EBF2: variants seen among roughly 807,000 people sequenced by gnomAD.
The protein encoded by EBF2 is transcription factor COE2.
Under a neutral mutation model 72.8 loss-of-function variants are expected in EBF2, and 21 were observed. That is an observed-to-expected ratio of 0.29 (90% confidence interval 0.20 to 0.42). EBF2 has a LOEUF of 0.42. EBF2 is among the 10% of genes least tolerant of loss of function. The pLI is 1.00. For missense variants in EBF2, 637 were observed against 731.2 expected (o/e 0.87, Z 1.49); for synonymous variants, 299 against 274.2 (o/e 1.09, Z -0.89).
chr8:26,037,519 G>T (rs187787038), intron 5 of EBF2, among the ~76,000 whole-genome samples: 39 of 152,282 alleles, frequency 2.6e-4, no homozygotes, highest in Non-Finnish European at 4.4e-4. Flanking sequence ...CCATCTGGCC[G>T]ATAAAGACAC....
intron 6 of EBF2, among the ~76,000 whole-genome samples, chr8:25,959,928 C>T (rs550496937): frequency 6.6e-6 from 1 of 152,124 alleles, no homozygotes. Flanking sequence ...GATGAGACAC[C>T]AACAGCTCAG....
At chr8:25,940,190 T>C (rs1176543726) in intron 6 of EBF2, among the ~76,000 whole-genome samples, 1 of 152,212 alleles carries the variant, frequency 6.6e-6, no homozygotes, top group Admixed American at 6.5e-5. Context: ...CCCTACATTC[T>C]ACTAAAGCTA....
At chr8:25,861,416 C>A (rs757376909) in intron 11 of EBF2, 42 bp from the exon 12 acceptor site, 1 of 1,606,908 alleles carries the variant, frequency 6.2e-7, no homozygotes, top group Non-Finnish European at 8.5e-7. Flanking sequence ...AAGGCAAAAT[C>A]CAAGATGGCA....
chr8:26,030,083 T>C (rs1805373683), intron 6 of EBF2, among the ~76,000 whole-genome samples: 1 of 152,052 alleles, frequency 6.6e-6, no homozygotes, highest in Non-Finnish European at 1.5e-5. Context: ...GGCTAGCTTT[T>C]TTAGTTTTTG....
chr8:26,040,860 T>C (rs1805587742), intron 3 of EBF2, 79 bp downstream of exon 3: 8 of 1,586,200 alleles, frequency 5.0e-6, no homozygotes, highest in Non-Finnish European at 6.9e-6. Context: ...TCCCTGAGAG[T>C]GATCATGGCA....
In EBF2 at chr8:25,861,469, C is replaced by T. The variant is rs1035995480; in HGVS notation, c.1099-95G>A. On this transcript the variant is annotated intron_variant, in intron 11 of 15. Coordinates refer to ENST00000520164, the MANE Select transcript of EBF2 (RefSeq NM_022659.4). ...GGCAAAAATGAGAAATCCACACATC[C>T]CTCCCAAAATGTAAGTAATTAGCCA... 5.0e-6 allele frequency: 7 copies of T among 1,395,806 alleles called. No individual in the cohort carries two copies. In the Admixed American group the frequency reaches 1.1e-4, roughly 22 times the overall value. 86.5% of individuals were successfully genotyped at this position (1,395,806 alleles called of 1,614,324 possible).
At chr8:26,021,541 G>A (rs1805202995) in intron 6 of EBF2, among the ~76,000 whole-genome samples, 1 of 152,160 alleles carries the variant, frequency 6.6e-6, no homozygotes, top group Admixed American at 6.6e-5. Flanking sequence ...AGATAGGTTT[G>A]CCAGATAAAA....
chr8:25,959,330 G>T (rs921569531), intron 6 of EBF2, among the ~76,000 whole-genome samples: 1 of 152,112 alleles, frequency 6.6e-6, no homozygotes, highest in African/African-American at 2.4e-5. Context: ...TCAGCCTCCT[G>T]AGTAGCTGGG....
chr8:25,899,373 C>T (rs1047519385), intron 7 of EBF2, among the ~76,000 whole-genome samples: 18 of 151,912 alleles, frequency 1.2e-4, no homozygotes, highest in African/African-American at 4.1e-4. Context: ...CCATTATGTG[C>T]TTTAAAACTG....
intron 6 of EBF2, among the ~76,000 whole-genome samples, chr8:25,976,486 T>C (rs921326272): frequency 5.3e-5 from 8 of 152,244 alleles, no homozygotes; most frequent in Non-Finnish European, 7.3e-5. Context: ...TGGGCTGAGC[T>C]GCCAAGACAC....
chr8:25,860,127 A>G lies in EBF2; in HGVS notation c.1342+922T>C, dbSNP rs181681243. On this transcript the variant is annotated intron_variant, in intron 13 of 15. Transcript: ENST00000520164. Reference sequence around the variant, plus strand: ...CATTGTTAAGGACCTCATTAGGAACATTTACTCCTTTTAAAAATGATTCGT... The same window carrying G: ...CATTGTTAAGGACCTCATTAGGAACGTTTACTCCTTTTAAAAATGATTCGT... 8.7e-3 allele frequency among the ~76,000 whole-genome samples: 1,329 copies of G among 152,292 alleles called. 21 individuals are homozygous for G. Among genetic ancestry groups the G allele is most frequent in the African/African-American group, 0.03 (1,266 of 41,544 alleles).
chr8:25,872,274 GC>G (rs985621777), intron 10 of EBF2, among the ~76,000 whole-genome samples: 4 of 152,100 alleles, frequency 2.6e-5, no homozygotes, highest in African/African-American at 9.7e-5. Context: ...AGGCCTGGTT[GC>G]TTTTTTTAAA....
chr8:25,928,233 G>A (rs1019195720), intron 6 of EBF2, among the ~76,000 whole-genome samples: 8 of 152,192 alleles, frequency 5.3e-5, no homozygotes, highest in African/African-American at 1.9e-4. Context: ...TCTTTAGACT[G>A]TTGCCATCTA....
At chr8:26,008,239 T>C (rs749300107) in intron 6 of EBF2, among the ~76,000 whole-genome samples, 6 of 152,186 alleles carry the variant, frequency 3.9e-5, no homozygotes, top group Non-Finnish European at 8.8e-5. Flanking sequence ...AGGAAGTCTA[T>C]GGAAAAATCA....
chr8:26,044,597 G>T lies in EBF2; in HGVS notation c.131+132C>A. ...TCTGCTTGCCCGAGGGCGAGCCCCA[G>T]CGCGCAGGGCCTGGGCGACAGATGG... On this transcript the variant is annotated intron_variant, in intron 1 of 15. Transcript: ENST00000520164. This position sits in a 1 kb window ranked among gnomAD's most constrained non-coding sequence, Gnocchi z 4.1. 7.4e-7 allele frequency: 1 copy of T among 1,354,336 alleles called. No individual in the cohort carries two copies. The highest frequency in any genetic ancestry group is 1.0e-6 in the Non-Finnish European group (1 of 997,224). 83.9% of individuals were successfully genotyped at this position (1,354,336 alleles called of 1,614,324 possible).
At chr8:25,946,387 T>C (rs1361316211) in intron 6 of EBF2, among the ~76,000 whole-genome samples, 1 of 152,174 alleles carries the variant, frequency 6.6e-6, no homozygotes, top group Non-Finnish European at 1.5e-5. Context: ...GACCTAAATA[T>C]GCTTGCTGAG....
chr8:26,005,025 A>T (rs1175761473), intron 6 of EBF2, among the ~76,000 whole-genome samples: 1 of 150,754 alleles, frequency 6.6e-6, no homozygotes, highest in African/African-American at 2.4e-5. Context: ...AGAAATAGAA[A>T]GAAGATCATT....
intron 14 of EBF2, among the ~76,000 whole-genome samples, chr8:25,853,664 C>T (rs566120889): frequency 7.9e-5 from 12 of 152,086 alleles, no homozygotes; most frequent in South Asian, 4.2e-4. Flanking sequence ...GAGGTAGTCA[C>T]GACTGTGCCA....
At chr8:25,916,285 C>CAA (rs58880741) in intron 6 of EBF2, among the ~76,000 whole-genome samples, 6 of 112,532 alleles carry the variant, frequency 5.3e-5, no homozygotes, top group South Asian at 2.9e-4. Context: ...GACTCTATCT[C>CAA]AAAAAAAAAA....
Sources: allele counts gnomAD v4.1 joint callset (sites outside exome capture counted in the v4.1 genomes callset), GRCh38; gene constraint gnomAD v4.1.1; non-coding constraint Gnocchi (gnomAD v3.1); transcripts MANE v1.5; gene names NCBI Gene and HGNC (gene_info 2026-07-23, HGNC 2026-07-21).